CUL3: variants seen among roughly 807,000 people sequenced by gnomAD.
CUL3 encodes cullin 3, also known as cullin-3.
CUL3 carries 19 observed loss-of-function variants against 89.1 expected under a neutral mutation model. The observed-to-expected ratio is 0.21, with a 90% CI of 0.15 to 0.31. The LOEUF is 0.31. Among genes scored for constraint, CUL3 ranks in the 10% least tolerant of loss-of-function variants. The pLI, the probability that CUL3 is intolerant of heterozygous loss-of-function variation, is 1.00. For synonymous variants in CUL3, 351 were observed against 308.4 expected, an observed-to-expected ratio of 1.14 and a Z score of -1.45; for missense variants, 469 against 942.3, an observed-to-expected ratio of 0.50 and a Z score of 6.58.
chr2:224,474,862 T>C (rs956447827), intron 15 of CUL3, among the ~76,000 whole-genome samples: 4 of 152,216 alleles, frequency 2.6e-5, no homozygotes, highest in African/African-American at 9.6e-5. Flanking sequence ...AGAATAATGC[T>C]GCCCAATCAT....
At chr2:224,532,241 A>G (rs942123868) in intron 3 of CUL3, among the ~76,000 whole-genome samples, 3 of 152,162 alleles carry the variant, frequency 2.0e-5, no homozygotes, top group African/African-American at 7.2e-5. Flanking sequence ...ACATAAGGTG[A>G]AGAGAGTGTA....
intron 1 of CUL3, among the ~76,000 whole-genome samples, chr2:224,563,888 G>C (rs1177199399): frequency 6.6e-6 from 1 of 152,102 alleles, no homozygotes; most frequent in African/African-American, 2.4e-5. Flanking sequence ...ATTCAGAAAT[G>C]CCAAAGAGAA....
intron 2 of CUL3, among the ~76,000 whole-genome samples, chr2:224,556,621 C>G (rs543043326): frequency 3.3e-4 from 50 of 152,196 alleles, no homozygotes; most frequent in Non-Finnish European, 5.7e-4. Context: ...AGGAAATCAC[C>G]ACTAAACAGG....
chr2:224,515,882 CG>C (rs1229154844), intron 3 of CUL3, among the ~76,000 whole-genome samples: 1 of 151,904 alleles, frequency 6.6e-6, no homozygotes, highest in Non-Finnish European at 1.5e-5. Context: ...TTTGTGGAGA[CG>C]GGGTTTCATC....
At chr2:224,507,100 C>T in intron 6 of CUL3, 97 bp from the exon 7 acceptor site, 1 of 1,069,928 alleles carries the variant, frequency 9.3e-7, no homozygotes, top group Non-Finnish European at 1.3e-6. Context: ...CTTATTTCTC[C>T]ATTACCCCCA....
intron 13 of CUL3, among the ~76,000 whole-genome samples, chr2:224,492,893 C>T (rs1214498930): frequency 2.0e-5 from 3 of 152,122 alleles, no homozygotes; most frequent in Admixed American, 2.0e-4. Flanking sequence ...CTGGATTGCT[C>T]GCTCTTGGGA....
At chr2:224,577,171 CTTTAT>C (rs976251325) in intron 1 of CUL3, among the ~76,000 whole-genome samples, 7 of 152,182 alleles carry the variant, frequency 4.6e-5, no homozygotes, top group Non-Finnish European at 1.0e-4. Flanking sequence ...TATTTTAAAG[CTTTAT>C]TTTATTTATC....
intron 3 of CUL3, among the ~76,000 whole-genome samples, chr2:224,533,855 C>A (rs1258818756): frequency 1.3e-5 from 2 of 152,016 alleles, no homozygotes; most frequent in Non-Finnish European, 2.9e-5. Flanking sequence ...TCTCCCTGAC[C>A]CCCTTGCCAC....
intron 1 of CUL3, among the ~76,000 whole-genome samples, chr2:224,567,568 T>C (rs1208940343): frequency 2.0e-5 from 3 of 151,846 alleles, no homozygotes; most frequent in African/African-American, 4.8e-5. Flanking sequence ...TGAAACCCCA[T>C]CCCTACTAAA....
intron 1 of CUL3, among the ~76,000 whole-genome samples, chr2:224,568,624 T>G (rs1321278177): frequency 6.6e-6 from 1 of 152,178 alleles, no homozygotes; most frequent in Non-Finnish European, 1.5e-5. Flanking sequence ...CACTTTTAAA[T>G]TTTACATCAA....
intron 1 of CUL3, among the ~76,000 whole-genome samples, chr2:224,558,739 A>G (rs1199205008): frequency 6.6e-6 from 1 of 152,000 alleles, no homozygotes; most frequent in African/African-American, 2.4e-5. Flanking sequence ...ATGCCAAACC[A>G]CCTATTGAAA....
At chr2:224,537,479 AAGTT>A (rs923295871) in intron 2 of CUL3, among the ~76,000 whole-genome samples, 7 of 152,186 alleles carry the variant, frequency 4.6e-5, no homozygotes, top group African/African-American at 1.2e-4. Context: ...TAACTATATC[AAGTT>A]AGTTAATGGA....
At chr2:224,514,520 TTTTA>T in intron 4 of CUL3, 88 bp downstream of exon 4, 3 of 1,139,022 alleles carry the variant, frequency 2.6e-6, no homozygotes, top group Admixed American at 2.5e-5. Flanking sequence ...ACATTCAAAC[TTTTA>T]TTTATTTTAA....
rs146352889 is a variant in CUL3, at chr2:224,578,808, G to A, written c.66+6136C>T. On this transcript the variant is annotated intron_variant, in intron 1 of 15. Coordinates refer to ENST00000264414, the MANE Select transcript of CUL3 (RefSeq NM_003590.5). ...CTACTAAAGACCATCCATGTACTCT[G>A]GAATGAAAATAACAAAAAATTCCCT... Among the ~76,000 whole-genome samples, 1,192 of 151,986 alleles carry A rather than the reference G, an allele frequency of 7.8e-3. 8 individuals are homozygous for A. The highest frequency in any genetic ancestry group is 0.012 in the Non-Finnish European group (825 of 67,932).
chr2:224,497,842 A>C lies in CUL3; in HGVS notation c.1618T>G (p.Leu540Val), dbSNP rs143436770. Residue 540 changes from leucine (L) to valine (V), a missense_variant, in exon 12 of 16, where the codon TTA (leucine) becomes GTA (valine). By Grantham distance (32) the Leu-to-Val change is conservative (BLOSUM62 1). Transcript: ENST00000264414. ...AGCTGTCGACCACTGTGTTTGGCTA[A>C]GTAGAACCTTCAGTAAATCAAACCA... ...HAFEIFRRFY[L>V]AKHSGRQLTL... The C allele has an allele frequency of 6.2e-7, 1 of 1,613,454 alleles. No individual in the cohort carries two copies. The highest frequency in any genetic ancestry group is 1.7e-5 in the Admixed American group (1 of 60,002).
chr2:224,492,129 G>C (rs1056172923), intron 13 of CUL3, among the ~76,000 whole-genome samples: 2 of 152,092 alleles, frequency 1.3e-5, no homozygotes, highest in African/African-American at 4.8e-5. Flanking sequence ...AATTATGCTA[G>C]CCTCAGATAT....
chr2:224,547,923 A>G (rs1694366303), intron 2 of CUL3, among the ~76,000 whole-genome samples: 1 of 152,152 alleles, frequency 6.6e-6, no homozygotes, highest in South Asian at 2.1e-4. Flanking sequence ...TTACTTACAA[A>G]CAAATATAAA....
intron 1 of CUL3, among the ~76,000 whole-genome samples, chr2:224,558,916 C>T (rs1197883711): frequency 4.0e-5 from 6 of 150,932 alleles, no homozygotes; most frequent in Non-Finnish European, 5.9e-5. Flanking sequence ...ATTAGCCAGG[C>T]GTGGTGGTGG....
At chr2:224,559,813 G>C (rs1694846483) in intron 1 of CUL3, among the ~76,000 whole-genome samples, 1 of 152,182 alleles carries the variant, frequency 6.6e-6, no homozygotes, top group Admixed American at 6.5e-5. Context: ...AAGGCATGGT[G>C]CCTCACACCC....
Sources: allele counts gnomAD v4.1 joint callset (sites outside exome capture counted in the v4.1 genomes callset), GRCh38; gene constraint gnomAD v4.1.1; transcripts MANE v1.5; gene names NCBI Gene and HGNC (gene_info 2026-07-23, HGNC 2026-07-21).